MAP2: variants seen among roughly 807,000 people sequenced by gnomAD.
The protein encoded by MAP2 is microtubule associated protein 2.
Under a neutral mutation model 137.6 loss-of-function variants are expected in MAP2, and 14 were observed. The ratio of observed to expected loss-of-function variants is 0.10; its 90% CI spans 0.07 to 0.16. The LOEUF (loss-of-function observed/expected upper bound fraction) is 0.16. Ranked by LOEUF, MAP2 falls within the 10% of genes least tolerant of loss-of-function variation. The pLI, the probability that MAP2 is intolerant of heterozygous loss-of-function variation, is 1.00. For missense variants in MAP2, 2,088 were observed against 2,191.5 expected, an observed-to-expected ratio of 0.95 and a Z score of 0.94; for synonymous variants, 786 against 782.3, an observed-to-expected ratio of 1.00 and a Z score of -0.08.
chr2:209,471,327 T>C (rs1286254396), intron 1 of MAP2, among the ~76,000 whole-genome samples: 1 of 152,218 alleles, frequency 6.6e-6, no homozygotes, highest in Non-Finnish European at 1.5e-5. Flanking sequence ...GTTAAACCTA[T>C]TAATACCTGT....
chr2:209,512,377 TC>T, intron 2 of MAP2, among the ~76,000 whole-genome samples: 1 of 151,698 alleles, frequency 6.6e-6, no homozygotes, highest in East Asian at 1.9e-4. Context: ...GAGTGTTTGT[TC>T]CATTGATCCT....
intron 2 of MAP2, among the ~76,000 whole-genome samples, chr2:209,548,711 G>A (rs958325790): frequency 9.1e-4 from 139 of 152,206 alleles, no homozygotes; most frequent in African/African-American, 3.1e-3. Context: ...ATTGAATCAC[G>A]GGGTGGTTTC....
intron 13 of MAP2, among the ~76,000 whole-genome samples, chr2:209,711,545 A>G (rs1195421102): frequency 6.6e-6 from 1 of 152,212 alleles, no homozygotes; most frequent in African/African-American, 2.4e-5. Context: ...TCACAGACAG[A>G]TGCTATGAAA....
intron 2 of MAP2, among the ~76,000 whole-genome samples, chr2:209,508,038 T>C (rs895795758): frequency 1.3e-5 from 2 of 152,066 alleles, no homozygotes; most frequent in Non-Finnish European, 2.9e-5. Context: ...TATATACTCA[T>C]AGAGAATATA....
chr2:209,692,971 C>T lies in MAP2; in HGVS notation c.801C>T (p.Ile267=), dbSNP rs775528286. ...PTPKEQKDWF[I]EMPTEAKKDE... is the part of the protein sequence containing the mutation. Reference sequence around the variant, plus strand: ...CAAAAGAACAAAAGGACTGGTTCATCGAAATGCCAACGGAAGCAAAAAAGG... The same window carrying T: ...CAAAAGAACAAAAGGACTGGTTCATTGAAATGCCAACGGAAGCAAAAAAGG... The change falls in exon 8 of 16, where the codon ATC becomes ATT. Residue 267 remains isoleucine (I), a synonymous_variant. Transcript: ENST00000682079. 2.7e-5 allele frequency: 43 copies of T among 1,613,878 alleles called. No homozygotes were observed. The Admixed American group carries it at 5.3e-4, about 20-fold the overall frequency.
intron 1 of MAP2, among the ~76,000 whole-genome samples, chr2:209,438,018 TA>T (rs1338580367): frequency 6.6e-6 from 1 of 151,598 alleles, no homozygotes; most frequent in Non-Finnish European, 1.5e-5. Flanking sequence ...TATTATTGCC[TA>T]GGTGCAATTG....
Position 209,676,720 on chromosome 2 carries a change from CATATATATATATATAT to C in MAP2, c.263-1815_263-1800del, listed in dbSNP as rs56283066. Among the ~76,000 whole-genome samples the C allele has an allele frequency of 7.3e-3, 525 of 71,806 alleles. 10 individuals are homozygous for C. Among genetic ancestry groups the C allele is most frequent in the African/African-American group, 0.024 (291 of 11,906 alleles). The allele number at this position is 71,806 out of a possible 152,430, so 47.1% of individuals were successfully genotyped here. ...GGAATGATCCAGAAGACACAAAGGT[CATATATATATATATAT>C]ATATATATATATATATATATATATA... On this transcript the variant is annotated intron_variant, in intron 5 of 15. Transcript: ENST00000682079.
chr2:209,566,095 A>G lies in MAP2; in HGVS notation c.-171-13941A>G, dbSNP rs954207577. On this transcript the variant is annotated intron_variant, in intron 2 of 15. Transcript: ENST00000682079. Reference sequence around the variant, plus strand: ...CCAGGCCAGAGGCCTATTGAGAGTGACATTCACTCTTTCCAAGATAATCCT... The same window carrying G: ...CCAGGCCAGAGGCCTATTGAGAGTGGCATTCACTCTTTCCAAGATAATCCT... Among the ~76,000 whole-genome samples the G allele has an allele frequency of 3.9e-5, 6 of 152,192 alleles. No homozygotes were observed. In the South Asian group the frequency reaches 6.2e-4, roughly 16 times the overall value.
At chr2:209,510,317 A>G (rs1263012504) in intron 2 of MAP2, among the ~76,000 whole-genome samples, 2 of 152,078 alleles carry the variant, frequency 1.3e-5, no homozygotes, top group African/African-American at 2.4e-5. Context: ...ATACTATCCT[A>G]TGGATATTTC....
chr2:209,560,662 G>A (rs1212033033), intron 2 of MAP2, among the ~76,000 whole-genome samples: 3 of 151,958 alleles, frequency 2.0e-5, no homozygotes, highest in South Asian at 4.2e-4. Flanking sequence ...TATATTTTTT[G>A]AAGAGACAGG....
intron 1 of MAP2, among the ~76,000 whole-genome samples, chr2:209,505,296 GA>G (rs2060896690): frequency 6.6e-6 from 1 of 151,940 alleles, no homozygotes; most frequent in African/African-American, 2.4e-5. Flanking sequence ...GTAGCCTTTT[GA>G]AAAAATGATA....
At chr2:209,428,046 T>C (rs970342703) in intron 1 of MAP2, among the ~76,000 whole-genome samples, 6 of 152,224 alleles carry the variant, frequency 3.9e-5, no homozygotes, top group African/African-American at 1.4e-4. Flanking sequence ...CTTATAAAAA[T>C]TATACAGTAT....
chr2:209,538,700 CT>C (rs1383853610), intron 2 of MAP2, among the ~76,000 whole-genome samples: 1 of 151,992 alleles, frequency 6.6e-6, no homozygotes, highest in Non-Finnish European at 1.5e-5. Flanking sequence ...CCTTCTGCCT[CT>C]GCAGTTAATA....
At chr2:209,474,932 A>T (rs1416668541) in intron 1 of MAP2, among the ~76,000 whole-genome samples, 2 of 152,014 alleles carry the variant, frequency 1.3e-5, no homozygotes, top group Non-Finnish European at 2.9e-5. Flanking sequence ...CCTGCCAGAG[A>T]TAATTTCAAA....
intron 1 of MAP2, among the ~76,000 whole-genome samples, chr2:209,489,267 GC>G (rs2058782950): frequency 6.6e-6 from 1 of 152,060 alleles, no homozygotes; most frequent in Admixed American, 6.5e-5. Flanking sequence ...GGACAACCAA[GC>G]AAAAACTCCA....
chr2:209,638,120 C>T (rs1172237886), intron 4 of MAP2, among the ~76,000 whole-genome samples: 1 of 152,036 alleles, frequency 6.6e-6, no homozygotes, highest in African/African-American at 2.4e-5. Flanking sequence ...GAATTGTATA[C>T]ATTTCAGGCC....
chr2:209,429,483 G>A (rs966657394), intron 1 of MAP2, among the ~76,000 whole-genome samples: 3 of 151,862 alleles, frequency 2.0e-5, no homozygotes, highest in African/African-American at 7.3e-5. Context: ...ATTAAGTGAA[G>A]TATGAACTAC....
intron 2 of MAP2, among the ~76,000 whole-genome samples, chr2:209,539,813 T>C (rs1351356857): frequency 1.3e-5 from 2 of 151,938 alleles, no homozygotes; most frequent in African/African-American, 4.8e-5. Context: ...AAAGTCACTT[T>C]CGTGCTGGCT....
At chr2:209,662,415 A>AACG in intron 5 of MAP2, among the ~76,000 whole-genome samples, 1 of 152,324 alleles carries the variant, frequency 6.6e-6, no homozygotes, top group South Asian at 2.1e-4. Context: ...TTTGAATCTT[A>AACG]ACGAAACAGA....
Sources: allele counts gnomAD v4.1 joint callset (sites outside exome capture counted in the v4.1 genomes callset), GRCh38; gene constraint gnomAD v4.1.1; transcripts MANE v1.5; gene names NCBI Gene and HGNC (gene_info 2026-07-23, HGNC 2026-07-21).